Variants in RFC3 observed in about 807,000 individuals in gnomAD.
RFC3 encodes replication factor C subunit 3.
In RFC3, 41 loss-of-function variants were observed where a neutral mutation model predicts 45.1. The ratio of observed to expected loss-of-function variants is 0.91; its 90% CI spans 0.71 to 1.18. RFC3 has a LOEUF of 1.18. RFC3 is among the 50% of genes most tolerant of loss of function. The pLI is 0.00. For synonymous variants in RFC3, 149 were observed against 144.0 expected, an observed-to-expected ratio of 1.03 and a Z score of -0.25; for missense variants, 423 against 428.1, an observed-to-expected ratio of 0.99 and a Z score of 0.10.
At chr13:33,827,753 T>C (rs2082064177) in intron 4 of RFC3, among the ~76,000 whole-genome samples, 1 of 152,202 alleles carries the variant, frequency 6.6e-6, no homozygotes, top group Admixed American at 6.5e-5. Context: ...GTTATTCTGC[T>C]CCTCTGCTCG....
In RFC3 at chr13:33,836,508, T is replaced by G; in HGVS notation, c.*213T>G. 7.9e-7 allele frequency: 1 copy of G among 1,269,084 alleles called. No homozygotes were observed. Among genetic ancestry groups the G allele is most frequent in the Non-Finnish European group, 1.0e-6 (1 of 1,002,640 alleles). The allele number at this position is 1,269,084 out of a possible 1,614,324, so 78.6% of individuals were successfully genotyped here. On this transcript the variant is annotated 3_prime_UTR_variant, in exon 9 of 9. Transcript: ENST00000380071. Reference sequence around the variant, plus strand: ...AGTTTTGTACATAACTTAGAGACTTTAGAGTCTAAGAAAATGATCTTAATT... The same window carrying G: ...AGTTTTGTACATAACTTAGAGACTTGAGAGTCTAAGAAAATGATCTTAATT...
intron 4 of RFC3, 25 bp from the exon 5 acceptor site, chr13:33,829,810 GT>G (rs1566381167): frequency 6.3e-7 from 1 of 1,598,762 alleles, no homozygotes; most frequent in Non-Finnish European, 8.6e-7. Flanking sequence ...TCAAGTTAAA[GT>G]TTGTTTTGTT....
chr13:33,848,371 AC>A (rs1192547478), intron 8 of RFC3: 1 of 152,178 alleles, frequency 6.6e-6, no homozygotes, highest in Admixed American at 6.5e-5. Flanking sequence ...TGTTCATGAG[AC>A]AACTCAGTTT....
At chr13:33,913,595 G>A (rs1310897691) in intron 8 of RFC3, among the ~76,000 whole-genome samples, 2 of 152,032 alleles carry the variant, frequency 1.3e-5, no homozygotes, top group Non-Finnish European at 2.9e-5. Flanking sequence ...CTCTCTCTAA[G>A]CCTCAGTTTC....
At chr13:33,951,175 T>TA (rs2082988279) in intron 8 of RFC3, among the ~76,000 whole-genome samples, 2 of 151,778 alleles carry the variant, frequency 1.3e-5, no homozygotes, top group Non-Finnish European at 2.9e-5. Flanking sequence ...GTTAGTTTCT[T>TA]AATGGAAGAG....
At chr13:33,830,100 G>A (rs552853147) in intron 5 of RFC3, 83 bp downstream of exon 5, 6 of 1,267,804 alleles carry the variant, frequency 4.7e-6, no homozygotes, top group Admixed American at 3.9e-5. Context: ...GAAGGGAATC[G>A]TATCAGTAAT....
At chr13:33,969,712 TTTG>T (rs1313451744), downstream of RFC3, among the ~76,000 whole-genome samples, 2 of 152,106 alleles carry the variant, frequency 1.3e-5, no homozygotes, top group East Asian at 1.9e-4. Flanking sequence ...TGTTCTGGTT[TTTG>T]TTGTTGGTGG....
intron 8 of RFC3, among the ~76,000 whole-genome samples, chr13:33,904,625 C>T (rs1367677962): frequency 6.6e-6 from 1 of 152,034 alleles, no homozygotes; most frequent in Admixed American, 6.6e-5. Context: ...TAAAATGGAC[C>T]AGATGGCTCT....
chr13:33,843,286 T>C (rs2082213333), intron 8 of RFC3, among the ~76,000 whole-genome samples: 1 of 152,112 alleles, frequency 6.6e-6, no homozygotes, highest in African/African-American at 2.4e-5. Flanking sequence ...GATTATAGTG[T>C]ACAAGATTTA....
chr13:33,961,380 C>A (rs1184098412), intron 8 of RFC3, among the ~76,000 whole-genome samples: 1 of 152,184 alleles, frequency 6.6e-6, no homozygotes, highest in Non-Finnish European at 1.5e-5. Context: ...TTTATTTATA[C>A]AAACCTACTG....
At chr13:33,869,580 C>T (rs573450953) in intron 8 of RFC3, among the ~76,000 whole-genome samples, 100 of 152,234 alleles carry the variant, frequency 6.6e-4, no homozygotes, top group African/African-American at 2.3e-3. Flanking sequence ...GCCATCTGTT[C>T]CCAAAGTTCT....
At chr13:33,958,725 A>T (rs186020899) in intron 8 of RFC3, among the ~76,000 whole-genome samples, 2 of 152,162 alleles carry the variant, frequency 1.3e-5, no homozygotes, top group African/African-American at 4.8e-5. Flanking sequence ...GTATGTTTTT[A>T]ATCCACCATA....
intron 5 of RFC3, 113 bp from the exon 6 acceptor site, chr13:33,830,606 C>A (rs2082092836): frequency 1.3e-6 from 1 of 743,192 alleles, no homozygotes; most frequent in Non-Finnish European, 2.0e-6. Flanking sequence ...GTAAGTTTCA[C>A]TTATAAGAAT....
chr13:33,959,493 C>T (rs1253231487), intron 8 of RFC3, among the ~76,000 whole-genome samples: 3 of 152,158 alleles, frequency 2.0e-5, no homozygotes, highest in Non-Finnish European at 4.4e-5. Flanking sequence ...CTTGCAGACC[C>T]CAGCATAAAT....
chr13:33,946,266 T>A (rs1457548298), intron 8 of RFC3, among the ~76,000 whole-genome samples: 1 of 152,198 alleles, frequency 6.6e-6, no homozygotes, highest in Non-Finnish European at 1.5e-5. Flanking sequence ...GTTCCTGTGA[T>A]CCAAACCAGC....
At chr13:33,930,280 A>G (rs896608133) in intron 8 of RFC3, among the ~76,000 whole-genome samples, 11 of 152,254 alleles carry the variant, frequency 7.2e-5, no homozygotes, top group African/African-American at 2.6e-4. Flanking sequence ...TTGAAGTCCC[A>G]AAACCTCAAA....
At chr13:33,857,244 G>A (rs774403428) in intron 8 of RFC3, among the ~76,000 whole-genome samples, 10 of 152,108 alleles carry the variant, frequency 6.6e-5, no homozygotes, top group Non-Finnish European at 1.3e-4. Flanking sequence ...ATCTCATTGC[G>A]GAATCTCTGA....
At chr13:33,839,289 G>T (rs1333678111), downstream of RFC3, among the ~76,000 whole-genome samples, 4 of 152,130 alleles carry the variant, frequency 2.6e-5, no homozygotes, top group African/African-American at 9.7e-5. Flanking sequence ...GCAACTTAGG[G>T]CTAGCAAAGC....
At chr13:33,973,907 T>A in the RFC3 span, among the ~76,000 whole-genome samples, 10 of 152,228 alleles carry the variant, frequency 6.6e-5, no homozygotes, top group South Asian at 2.1e-3. Flanking sequence ...ACCTCTCTTT[T>A]TGTTTCTAGG....
Sources: gnomAD v4.1 joint callset for allele counts (sites outside exome capture counted in the v4.1 genomes callset) on GRCh38, gnomAD v4.1.1 for gene constraint, MANE v1.5 for transcripts, NCBI Gene and HGNC (gene_info 2026-07-23, HGNC 2026-07-21) for gene names.